The following AKIRIN2 variants were observed in gnomAD, a reference collection of about 807,000 sequenced individuals.
The protein encoded by AKIRIN2 is akirin-2.
AKIRIN2 carries 6 observed loss-of-function variants against 29.3 expected under a neutral mutation model. The ratio of observed to expected loss-of-function variants is 0.20; its 90% CI spans 0.11 to 0.40. The LOEUF is 0.40. Among genes scored for constraint, AKIRIN2 ranks in the 10% least tolerant of loss-of-function variants. AKIRIN2 has a pLI of 1.00. For missense variants in AKIRIN2, 210 were observed against 276.1 expected (o/e 0.76, Z 1.70); for synonymous variants, 128 against 117.5 (o/e 1.09, Z -0.58).
At position 87,701,304 on chromosome 6, in the gene AKIRIN2, A is replaced by G. The variant is rs550555615; in HGVS notation, c.235+146T>C. On this transcript the variant is annotated intron_variant, in intron 1 of 4. Transcript: ENST00000257787. ...TTAGGTCCTCGGGCTACGAGGACCTAGTGAAAAACGTGGCTGCCCTACTAC... is the reference window on the plus strand; with the variant it reads ...TTAGGTCCTCGGGCTACGAGGACCTGGTGAAAAACGTGGCTGCCCTACTAC... The G allele has an allele frequency of 7.6e-5, 53 of 693,318 alleles. 1 individual carries two copies. In the African/African-American group the frequency reaches 8.6e-4, roughly 11 times the overall value. The allele number at this position is 693,318 out of a possible 1,614,324, so 42.9% of individuals were successfully genotyped here.
In AKIRIN2 at chr6:87,681,770, T is replaced by TA; in HGVS notation, c.236-8dup. ...ATGTTGTACAGAATTTGTTCTAAAA[T>TA]AAAAAAGTTAAAATTTGGCAAGATA... On this transcript the variant is annotated splice_region_variant and splice_polypyrimidine_tract_variant and intron_variant, in intron 1 of 4. Transcript: ENST00000257787. 1 of 1,557,318 alleles carries TA rather than the reference T, an allele frequency of 6.4e-7. No homozygotes were observed. Among genetic ancestry groups the TA allele is most frequent in the South Asian group, 1.2e-5 (1 of 83,364 alleles).
At chr6:87,689,886 CG>C (rs1187441678) in intron 1 of AKIRIN2, among the ~76,000 whole-genome samples, 1 of 152,140 alleles carries the variant, frequency 6.6e-6, no homozygotes, top group African/African-American at 2.4e-5. Context: ...TGGAACTATG[CG>C]TATTTAAAGT....
Position 87,702,155 on chromosome 6 carries a change from CAG to C in AKIRIN2, c.-473_-472del, listed in dbSNP as rs942964918. ...AGTAGCTTGCGAGCGGCGATCGATG[CAG>C]AGAGATTGCGAGGTAGCTGCCGCAG... is the stretch of plus-strand genomic sequence containing the variant. On this transcript the variant is annotated 5_prime_UTR_variant, in exon 1 of 5. Transcript: ENST00000257787. The C allele has an allele frequency of 1.5e-5, 6 of 398,702 alleles. No homozygotes were observed. Among genetic ancestry groups the C allele is most frequent in the African/African-American group, 1.0e-4 (5 of 48,770 alleles). 24.7% of individuals were successfully genotyped at this position (398,702 alleles called of 1,614,324 possible).
In AKIRIN2 at chr6:87,701,908, G is replaced by A. The variant is rs533983739; in HGVS notation, c.-224C>T. The A allele has an allele frequency of 1.5e-5, 6 of 413,318 alleles. No homozygotes were observed. Among genetic ancestry groups the A allele is most frequent in the Non-Finnish European group, 1.3e-5 (3 of 234,302 alleles). 25.6% of individuals were successfully genotyped at this position (413,318 alleles called of 1,614,324 possible). A position where few individuals can be genotyped will look rare whatever the true frequency, so the allele number is the denominator to read the frequency against. On this transcript the variant is annotated 5_prime_UTR_variant, in exon 1 of 5. Coordinates refer to ENST00000257787, the MANE Select transcript of AKIRIN2 (RefSeq NM_018064.4). ...GGACGGCCCGGGTGAGAGCGGGAGG[G>A]GCGGTGGCGGGCAGAAGCACACGCC... is the stretch of plus-strand genomic sequence containing the variant.
chr6:87,694,464 CTT>C (rs1665172666), intron 1 of AKIRIN2, among the ~76,000 whole-genome samples: 1 of 152,180 alleles, frequency 6.6e-6, no homozygotes, highest in African/African-American at 2.4e-5. Context: ...GACTCTTACT[CTT>C]CTTTGCCTAG....
intron 1 of AKIRIN2, among the ~76,000 whole-genome samples, chr6:87,689,353 A>C (rs940173870): frequency 6.6e-6 from 1 of 152,104 alleles, no homozygotes; most frequent in Non-Finnish European, 1.5e-5. Flanking sequence ...AATACAAAAA[A>C]ATTAGCCAGG....
chr6:87,675,648 C>CA lies in AKIRIN2; in HGVS notation c.602-42dup, dbSNP rs756253924. ...AAGAAAATTAGTGCAAAATACAGGT[C>CA]AAAATCCAAACGAATACTAGATCTT... On this transcript the variant is annotated intron_variant, in intron 4 of 4. Transcript: ENST00000257787. 15 of 1,609,610 alleles carry CA rather than the reference C, an allele frequency of 9.3e-6. No homozygotes were observed. In the African/African-American group the frequency reaches 1.7e-4, roughly 19 times the overall value.
Position 87,701,677 on chromosome 6 carries a change from C to A in AKIRIN2, c.8G>T (p.Cys3Phe). Residue 3 changes from cysteine to phenylalanine, a missense_variant, in exon 1 of 5, where the codon TGC (cysteine) becomes TTC (phenylalanine). Cys to Phe is a radical substitution (Grantham distance 205, BLOSUM62 -2). This residue lies in a region of AKIRIN2 where 199 missense variants were observed against 236.5 expected (regional missense o/e 0.84). Transcript: ENST00000257787. ...CAGAGTCCTTTTCAGAGTGGCTCCG[C>A]ACGCCATGGCCGGGGGCAGCTGAGG... Reference protein sequence around the residue: MACGATLKRTLDF... With the variant: MAFGATLKRTLDF... The A allele has an allele frequency of 6.9e-7, 1 of 1,452,384 alleles. No individual in the cohort carries two copies. The highest frequency in any genetic ancestry group is 1.5e-5 in the South Asian group (1 of 67,686). 90.0% of individuals were successfully genotyped at this position (1,452,384 alleles called of 1,614,324 possible). A position where few individuals can be genotyped will look rare whatever the true frequency, so the allele number is the denominator to read the frequency against.
intron 1 of AKIRIN2, among the ~76,000 whole-genome samples, chr6:87,687,439 C>CAAAAAAAAAAAAAAAAAAAAAA (rs201472497): frequency 9.2e-6 from 1 of 109,156 alleles, no homozygotes. Context: ...AATTCCGTTT[C>CAAAAAAAAAAAAAAAAAAAAAA]AAAAAAAAAA....
chr6:87,690,464 C>A (rs1397407585), intron 1 of AKIRIN2, among the ~76,000 whole-genome samples: 5 of 152,134 alleles, frequency 3.3e-5, no homozygotes, highest in Non-Finnish European at 7.3e-5. Flanking sequence ...GTCAGACATA[C>A]CCCTCCTGTA....
chr6:87,702,022 G>C lies in AKIRIN2; in HGVS notation c.-338C>G. The C allele has an allele frequency of 2.5e-6, 1 of 404,266 alleles. No individual in the cohort carries two copies. Among genetic ancestry groups the C allele is most frequent in the Non-Finnish European group, 4.4e-6 (1 of 229,346 alleles). The allele number at this position is 404,266 out of a possible 1,614,324, so 25.0% of individuals were successfully genotyped here. ...CCCCCGCCGTCCGCTCGAGCTTTGC[G>C]CCGCGCCTGAGGCGCTTCTGTGCTG... On this transcript the variant is annotated 5_prime_UTR_variant, in exon 1 of 5. Coordinates refer to ENST00000257787, the MANE Select transcript of AKIRIN2 (RefSeq NM_018064.4).
At chr6:87,685,534 AAT>A (rs1402422330) in intron 1 of AKIRIN2, among the ~76,000 whole-genome samples, 1 of 152,188 alleles carries the variant, frequency 6.6e-6, no homozygotes, top group Non-Finnish European at 1.5e-5. Flanking sequence ...TTGCCAACAC[AAT>A]TTACAGTTCA....
Position 87,702,219 on chromosome 6 carries a change from C to T in AKIRIN2, c.-535G>A. The T allele has an allele frequency of 2.5e-6, 1 of 397,490 alleles. No homozygotes were observed. Among genetic ancestry groups the T allele is most frequent in the Non-Finnish European group, 4.4e-6 (1 of 225,700 alleles). 24.6% of individuals were successfully genotyped at this position (397,490 alleles called of 1,614,324 possible). A position where few individuals can be genotyped will look rare whatever the true frequency, so the allele number is the denominator to read the frequency against. Reference sequence around the variant, plus strand: ...GCGAACACGTCCAACCGCTTCCCCTCCCTCGTAGAACTCTCCCACCCGCCG... The same window carrying T: ...GCGAACACGTCCAACCGCTTCCCCTTCCTCGTAGAACTCTCCCACCCGCCG... On this transcript the variant is annotated 5_prime_UTR_variant, in exon 1 of 5. Coordinates refer to ENST00000257787, the MANE Select transcript of AKIRIN2 (RefSeq NM_018064.4).
chr6:87,689,440 C>T (rs762285902), intron 1 of AKIRIN2, among the ~76,000 whole-genome samples: 7 of 151,994 alleles, frequency 4.6e-5, no homozygotes, highest in Non-Finnish European at 8.8e-5. Flanking sequence ...ACAGTGCTAC[C>T]GCACTCCAGC....
chr6:87,693,176 C>T (rs1304929011), intron 1 of AKIRIN2, among the ~76,000 whole-genome samples: 1 of 151,988 alleles, frequency 6.6e-6, no homozygotes, highest in Non-Finnish European at 1.5e-5. Context: ...TTGCAGTGAG[C>T]GGAGACTGCG....
chr6:87,677,798 C>A lies in AKIRIN2; in HGVS notation c.529+20G>T. ...CACACAACTGAGTTCCTCAGAAACT[C>A]TAATAAACACACCTCATACCTGCAA... On this transcript the variant is annotated intron_variant, in intron 3 of 4. Transcript: ENST00000257787. The A allele has an allele frequency of 1.2e-6, 2 of 1,608,614 alleles. No individual in the cohort carries two copies. The highest frequency in any genetic ancestry group is 8.5e-7 in the Non-Finnish European group (1 of 1,176,790).
intron 1 of AKIRIN2, among the ~76,000 whole-genome samples, chr6:87,687,455 A>AAAAAAAAAC (rs752871351): frequency 6.6e-6 from 1 of 151,078 alleles, no homozygotes; most frequent in Non-Finnish European, 1.5e-5. Context: ...AAAAAAAAAA[A>AAAAAAAAAC]ACACACTACT....
intron 1 of AKIRIN2, among the ~76,000 whole-genome samples, chr6:87,694,138 G>A (rs971952220): frequency 1.3e-5 from 2 of 152,112 alleles, no homozygotes; most frequent in African/African-American, 4.8e-5. Context: ...CAACTAGTTT[G>A]ATTTTTTTGA....
rs557305090 is a variant in AKIRIN2 at position 87,702,004 on chromosome 6, C to T, written c.-320G>A. 2.5e-5 allele frequency: 10 copies of T among 402,432 alleles called. No individual in the cohort carries two copies. In the South Asian group the frequency reaches 4.4e-4, roughly 18 times the overall value. The allele number at this position is 402,432 out of a possible 1,614,324, so 24.9% of individuals were successfully genotyped here. On this transcript the variant is annotated 5_prime_UTR_variant, in exon 1 of 5. Transcript: ENST00000257787. ...CGAGAGAGGCTCCGGCCGCCCCCGCCGTCCGCTCGAGCTTTGCGCCGCGCC... is the reference window on the plus strand; with the variant it reads ...CGAGAGAGGCTCCGGCCGCCCCCGCTGTCCGCTCGAGCTTTGCGCCGCGCC...
Sources: allele counts gnomAD v4.1 joint callset (sites outside exome capture counted in the v4.1 genomes callset), GRCh38; gene constraint gnomAD v4.1.1; regional missense constraint gnomAD v4.1.1; transcripts MANE v1.5; gene names NCBI Gene and HGNC (gene_info 2026-07-23, HGNC 2026-07-21).